ANKAR: variants seen among roughly 807,000 people sequenced by gnomAD.
The protein encoded by ANKAR is ankyrin and armadillo repeat-containing protein.
A neutral mutation model predicts 146.2 loss-of-function variants in ANKAR; 136 were observed. That is an observed-to-expected ratio of 0.93 (90% CI 0.81 to 1.07). The LOEUF (loss-of-function observed/expected upper bound fraction) is 1.07, where lower values mean the gene tolerates loss of function less well. Among genes scored for constraint, ANKAR ranks in the 50% least tolerant of loss-of-function variants. The pLI, the probability that ANKAR is intolerant of heterozygous loss-of-function variation, is 0.00. For synonymous variants in ANKAR, 500 were observed against 575.8 expected, an observed-to-expected ratio of 0.87 and a Z score of 1.88; for missense variants, 1,567 against 1,679.9, an observed-to-expected ratio of 0.93 and a Z score of 1.18.
chr2:189,694,499 C>A (rs1270863958), intron 5 of ANKAR, among the ~76,000 whole-genome samples: 5 of 152,170 alleles, frequency 3.3e-5, no homozygotes, highest in Admixed American at 1.3e-4. Flanking sequence ...AGGGCTGTTT[C>A]AAGCCCCACC....
At chr2:189,702,538 G>T (rs765192881) in intron 7 of ANKAR, among the ~76,000 whole-genome samples, 3 of 152,118 alleles carry the variant, frequency 2.0e-5, no homozygotes, top group Non-Finnish European at 4.4e-5. Flanking sequence ...AATTTTGAGG[G>T]TATCAGTTTG....
At chr2:189,694,627 G>A (rs1391923213) in intron 5 of ANKAR, among the ~76,000 whole-genome samples, 1 of 152,140 alleles carries the variant, frequency 6.6e-6, no homozygotes, top group Non-Finnish European at 1.5e-5. Context: ...AAACTCTCGA[G>A]GAGCCAGATA....
At chr2:189,750,588 A>G, downstream of ANKAR, 2 of 1,575,672 alleles carry the variant, frequency 1.3e-6, no homozygotes, top group East Asian at 2.3e-5. Context: ...TCATATCTCC[A>G]TTTTTAATTG....
At position 189,740,698 on chromosome 2, in the gene ANKAR, A is replaced by ATT. The variant is rs5837161; in HGVS notation, c.3701-633_3701-632dup. On this transcript the variant is annotated intron_variant, in intron 19 of 22. Coordinates refer to ENST00000684021, the MANE Select transcript of ANKAR (RefSeq NM_001378068.1). Reference sequence around the variant, plus strand: ...TTTCAACCGCAAAAAGGACATATTAATTTTTTTTTTTTGAGACGGAGTTTC... The same window carrying ATT: ...TTTCAACCGCAAAAAGGACATATTAATTTTTTTTTTTTTTGAGACGGAGTTTC... Among the ~76,000 whole-genome samples, 204 of 149,602 alleles carry ATT rather than the reference A, an allele frequency of 1.4e-3. 4 individuals are homozygous for ATT. The highest frequency in any genetic ancestry group is 1.1e-3 in the African/African-American group (46 of 41,082).
chr2:189,742,217 G>A (rs1350029978), intron 20 of ANKAR, among the ~76,000 whole-genome samples: 2 of 152,130 alleles, frequency 1.3e-5, no homozygotes, highest in Non-Finnish European at 2.9e-5. Flanking sequence ...TTTGAGGTGG[G>A]CCCTAGAATT....
Position 189,733,153 on chromosome 2 carries a change from T to C in ANKAR, c.3347T>C (p.Val1116Ala). ...GCATGCATTGTCCTAGGGAATGATG[T>C]GTTACAGAAAGACTTACATGAAAAT... ...SLACIVLGNDVLQKDLHENEG... is the reference protein window; with the variant it reads ...SLACIVLGNDALQKDLHENEG... Residue 1116 changes from valine (V) to alanine (A), a missense_variant, in exon 17 of 23, where the codon GTG (valine) becomes GCG (alanine). Coordinates refer to ENST00000684021, the MANE Select transcript of ANKAR (RefSeq NM_001378068.1). 1 of 1,613,050 alleles carries C rather than the reference T, an allele frequency of 6.2e-7. No homozygotes were observed. Among genetic ancestry groups the C allele is most frequent in the Non-Finnish European group, 8.5e-7 (1 of 1,179,446 alleles).
intron 17 of ANKAR, among the ~76,000 whole-genome samples, chr2:189,735,035 A>G (rs1446369032): frequency 6.6e-6 from 1 of 150,896 alleles, no homozygotes; most frequent in Non-Finnish European, 1.5e-5. Context: ...ATATATATAT[A>G]TGTGGAAACT....
At chr2:189,679,085 C>T (rs542994281) in intron 2 of ANKAR, among the ~76,000 whole-genome samples, 8 of 152,274 alleles carry the variant, frequency 5.3e-5, no homozygotes, top group Middle Eastern at 3.4e-3. Flanking sequence ...TTGTTTGTGT[C>T]ATCAATGATT....
intron 18 of ANKAR, chr2:189,752,978 A>T (rs765743532): frequency 6.2e-7 from 1 of 1,605,364 alleles, no homozygotes; most frequent in South Asian, 1.1e-5. Flanking sequence ...ACCAGATGCA[A>T]CCTGAAGGAA....
chr2:189,754,536 G>A (rs984838124), intron 18 of ANKAR: 10 of 552,518 alleles, frequency 1.8e-5, no homozygotes, highest in South Asian at 8.2e-5. Context: ...ATGATGACCC[G>A]AACAATAAGA....
chr2:189,682,701 C>T lies in ANKAR; in HGVS notation c.601+5610C>T, dbSNP rs148533861. 5.1e-4 allele frequency among the ~76,000 whole-genome samples: 78 copies of T among 152,306 alleles called. No homozygotes were observed. The East Asian group carries it at 7.3e-3, about 14-fold the overall frequency. On this transcript the variant is annotated intron_variant, in intron 2 of 22. Coordinates refer to ENST00000684021, the MANE Select transcript of ANKAR (RefSeq NM_001378068.1). ...GTTACACTCCAAATTGCATCAGAAACAAGGACGTGAGTCAAGTTAGTTTTT... is the reference window on the plus strand; with the variant it reads ...GTTACACTCCAAATTGCATCAGAAATAAGGACGTGAGTCAAGTTAGTTTTT...
Position 189,743,351 on chromosome 2 carries a change from G to T in ANKAR, c.3887G>T (p.Cys1296Phe), listed in dbSNP as rs1264258682. ...GCTTTCCGCATCCTATTAAAAGAAT[G>T]CAGGAATAAACCTAATCAGTTCATT... ...ANAFRILLKE[C>F]RNKPNQFIRI... Residue 1296 changes from cysteine to phenylalanine, a missense_variant, in exon 21 of 23, where the codon TGC becomes TTC. Cys to Phe is a radical substitution (Grantham distance 205). Coordinates refer to ENST00000684021, the MANE Select transcript of ANKAR (RefSeq NM_001378068.1). 6.2e-7 allele frequency: 1 copy of T among 1,613,830 alleles called. No individual in the cohort carries two copies. The highest frequency in any genetic ancestry group is 8.5e-7 in the Non-Finnish European group (1 of 1,179,948).
At chr2:189,730,145 CT>C (rs1330462674) in intron 15 of ANKAR, among the ~76,000 whole-genome samples, 1 of 152,126 alleles carries the variant, frequency 6.6e-6, no homozygotes, top group Middle Eastern at 3.2e-3. Context: ...TAGAAGTAAA[CT>C]TTTTATGGAA....
Position 189,705,133 on chromosome 2 carries a change from A to G in ANKAR, c.1819A>G (p.Ile607Val). The G allele has an allele frequency of 6.2e-7, 1 of 1,614,174 alleles. No individual in the cohort carries two copies. ...TTCTGAAAAAAGAGGCTGGATGCCG[A>G]TTCACTTTGCCGCTTTCTATGACAA... ...TLSEKRGWMP[I>V]HFAAFYDNVC... The change falls in exon 8 of 23, where the codon ATT (isoleucine) becomes GTT (valine). Residue 607 changes from isoleucine (I) to valine (V), a missense_variant. Physicochemically the swap from Ile to Val is conservative, Grantham distance 29. Coordinates refer to ENST00000684021, the MANE Select transcript of ANKAR (RefSeq NM_001378068.1).
Position 189,728,752 on chromosome 2 carries a change from C to G in ANKAR, c.3124C>G (p.Leu1042Val), listed in dbSNP as rs1182692198. The change falls in exon 15 of 23, where the codon CTA (leucine) becomes GTA (valine). Residue 1042 changes from leucine (L) to valine (V), a missense_variant. Leu to Val is a conservative substitution (Grantham distance 32). Transcript: ENST00000684021. ...GNGIAPLVRL[L>V]RISTIAEGTL... The stretch of plus-strand genomic sequence containing the variant: ...TGGAATTGCACCATTGGTTCGCTTA[C>G]TAAGAATTAGTACGATTGCTGAAGG... The G allele has an allele frequency of 2.5e-6, 4 of 1,614,066 alleles. No individual in the cohort carries two copies. Among genetic ancestry groups the G allele is most frequent in the Non-Finnish European group, 3.4e-6 (4 of 1,179,948 alleles).
chr2:189,681,999 T>C (rs1381009587), intron 2 of ANKAR, among the ~76,000 whole-genome samples: 1 of 152,176 alleles, frequency 6.6e-6, no homozygotes, highest in Non-Finnish European at 1.5e-5. Context: ...GCCTCAAACC[T>C]TTTAAAAATT....
Position 189,676,864 on chromosome 2 carries a change from A to C in ANKAR, c.374A>C (p.Asn125Thr). 6.2e-7 allele frequency: 1 copy of C among 1,614,214 alleles called. No homozygotes were observed. Among genetic ancestry groups the C allele is most frequent in the Non-Finnish European group, 8.5e-7 (1 of 1,180,032 alleles). Residue 125 changes from asparagine to threonine, a missense_variant, in exon 2 of 23, where the codon AAT becomes ACT. Asn to Thr is a moderately conservative substitution (Grantham distance 65). Coordinates refer to ENST00000684021, the MANE Select transcript of ANKAR (RefSeq NM_001378068.1). The part of the protein sequence containing the change: ...NQIPSISLEA[N>T]YDQSSSCQLP... ...ATCCCTTCCATCAGTTTAGAAGCTA[A>C]TTATGATCAGAGTTCTTCTTGTCAA...
chr2:189,735,386 T>TA (rs2042756821), intron 17 of ANKAR, among the ~76,000 whole-genome samples: 1 of 152,244 alleles, frequency 6.6e-6, no homozygotes, highest in Non-Finnish European at 1.5e-5. Flanking sequence ...CAAGGCAAGT[T>TA]AAAAGTCCTC....
At chr2:189,746,282 T>C in intron 22 of ANKAR, 98 bp from the exon 23 acceptor site, 6 of 1,370,172 alleles carry the variant, frequency 4.4e-6, no homozygotes, top group Non-Finnish European at 5.9e-6. Context: ...CTTAGTATGT[T>C]TTAGTTATGT....
Sources: gnomAD v4.1 joint callset for allele counts (sites outside exome capture counted in the v4.1 genomes callset) on GRCh38, gnomAD v4.1.1 for gene constraint, MANE v1.5 for transcripts, NCBI Gene and HGNC (gene_info 2026-07-23, HGNC 2026-07-21) for gene names.